ANKRD28: variants seen among roughly 807,000 people sequenced by gnomAD.
ANKRD28 encodes the protein serine/threonine-protein phosphatase 6 regulatory ankyrin repeat subunit A.
A neutral mutation model predicts 126.5 loss-of-function variants in ANKRD28; 44 were observed. The observed-to-expected ratio is 0.35, with a 90% CI of 0.27 to 0.45. The LOEUF is 0.45. Ranked by LOEUF, ANKRD28 falls within the 20% of genes least tolerant of loss-of-function variation. The pLI is 1.00. For synonymous variants in ANKRD28, 442 were observed against 468.5 expected (o/e 0.94, Z 0.73); for missense variants, 1,110 against 1,316.6 (o/e 0.84, Z 2.43).
intron 3 of ANKRD28, among the ~76,000 whole-genome samples, chr3:15,757,597 G>A (rs983841769): frequency 9.2e-5 from 14 of 152,156 alleles, no homozygotes; most frequent in African/African-American, 2.9e-4. Context: ...TAATGCCCTT[G>A]TAAAAGTGGC....
chr3:15,835,167 AAG>A (rs1408886679), intron 1 of ANKRD28, among the ~76,000 whole-genome samples: 1 of 152,130 alleles, frequency 6.6e-6, no homozygotes, highest in African/African-American at 2.4e-5. Context: ...AAAAAAGAAA[AAG>A]AAAGAGAGAA....
Position 15,676,974 on chromosome 3 carries a change from G to A in ANKRD28, c.2873C>T (p.Thr958Ile), listed in dbSNP as rs767999328. The A allele has an allele frequency of 3.7e-6, 6 of 1,610,852 alleles. No homozygotes were observed. Among genetic ancestry groups the A allele is most frequent in the African/African-American group, 1.3e-5 (1 of 74,614 alleles). ...LINATNAALQTPLHVAARNGL... is the reference protein window; with the variant it reads ...LINATNAALQIPLHVAARNGL... ...TATACTAGATACTGACAGTACTCACGTTTGCAAGGCTGCGTTGGTTGCATT... is the reference window on the plus strand; with the variant it reads ...TATACTAGATACTGACAGTACTCACATTTGCAAGGCTGCGTTGGTTGCATT... The change falls in exon 26 of 28, where the codon ACA (threonine) becomes ATA (isoleucine). Residue 958 changes from threonine (T) to isoleucine (I), a missense_variant and splice_region_variant. Thr to Ile is a moderately conservative substitution (Grantham distance 89). Transcript: ENST00000683139.
chr3:15,716,497 T>C (rs987216747), intron 8 of ANKRD28, among the ~76,000 whole-genome samples: 1 of 152,044 alleles, frequency 6.6e-6, no homozygotes, highest in Non-Finnish European at 1.5e-5. Context: ...TTGCCCAGGC[T>C]GGTTTTGAAC....
chr3:15,859,711 G>A, exon 1 of ANKRD28: 1 of 155,974 alleles, frequency 6.4e-6, no homozygotes, highest in Non-Finnish European at 1.4e-5. Context: ...CCTACCCGCC[G>A]CTGCCGCCGC....
At chr3:15,747,641 T>A (rs1262651014) in intron 4 of ANKRD28, among the ~76,000 whole-genome samples, 1 of 152,200 alleles carries the variant, frequency 6.6e-6, no homozygotes, top group Non-Finnish European at 1.5e-5. Flanking sequence ...GAACATTTCA[T>A]GTGCTGATGA....
intron 3 of ANKRD28, among the ~76,000 whole-genome samples, chr3:15,754,954 T>C (rs1355416512): frequency 6.6e-6 from 1 of 151,908 alleles, no homozygotes; most frequent in African/African-American, 2.4e-5. Context: ...CAGGCCCTAC[T>C]AAAATTACAA....
rs564654804 is a variant in ANKRD28 at position 15,859,580 on chromosome 3, CCCGCCGCCG to C, written c.-186_-178del. On this transcript the variant is annotated 5_prime_UTR_variant, in exon 1 of 28. Coordinates refer to the ANKRD28 transcript ENST00000399451. ...GGGGGCGGCGCCGCCTCCCCGGCCGCCCGCCGCCGCCGCCGCCGCCGCCGCCGCCGAGAG... is the reference window on the plus strand; with the variant it reads ...GGGGGCGGCGCCGCCTCCCCGGCCGCCCGCCGCCGCCGCCGCCGCCGAGAG... The C allele has an allele frequency of 1.1e-3, 246 of 228,816 alleles. 2 individuals are homozygous for C. Among genetic ancestry groups the C allele is most frequent in the African/African-American group, 4.8e-3 (194 of 40,290 alleles). 14.2% of individuals were successfully genotyped at this position (228,816 alleles called of 1,614,324 possible). A position where few individuals can be genotyped will look rare whatever the true frequency, so the allele number is the denominator to read the frequency against.
intron 2 of ANKRD28, among the ~76,000 whole-genome samples, chr3:15,774,437 G>A (rs1221721232): frequency 6.6e-6 from 1 of 151,882 alleles, no homozygotes; most frequent in Admixed American, 6.6e-5. Context: ...AACAAAATAT[G>A]GGCATTTAAA....
At chr3:15,725,361 T>C (rs2074076129) in intron 6 of ANKRD28, among the ~76,000 whole-genome samples, 2 of 152,354 alleles carry the variant, frequency 1.3e-5, no homozygotes, top group South Asian at 4.1e-4. Context: ...TATTCAGTGA[T>C]AACCCTGCAA....
chr3:15,720,700 C>CTT (rs2073631748), intron 8 of ANKRD28, among the ~76,000 whole-genome samples: 1 of 147,076 alleles, frequency 6.8e-6, no homozygotes, highest in African/African-American at 2.7e-5. Context: ...TCTGGAACCC[C>CTT]ATATAAATGG....
At chr3:15,715,117 C>G (rs1036869931) in intron 8 of ANKRD28, among the ~76,000 whole-genome samples, 1 of 152,144 alleles carries the variant, frequency 6.6e-6, no homozygotes, top group Non-Finnish European at 1.5e-5. Context: ...TCTCAAATCA[C>G]TTAAAATAAT....
intron 22 of ANKRD28, 30 bp downstream of exon 22, chr3:15,679,446 C>A: frequency 6.2e-6 from 10 of 1,613,708 alleles, no homozygotes; most frequent in African/African-American, 1.3e-5. Flanking sequence ...AACACTCAAA[C>A]CAAATCTGAT....
intron 16 of ANKRD28, 63 bp from the exon 17 acceptor site, chr3:15,694,876 C>T: frequency 6.8e-7 from 1 of 1,476,474 alleles, no homozygotes; most frequent in Non-Finnish European, 9.5e-7. Context: ...TCTCTCCCAC[C>T]CACCCAGTTC....
At chr3:15,777,900 A>ACC (rs1323566552) in intron 2 of ANKRD28, among the ~76,000 whole-genome samples, 1 of 139,456 alleles carries the variant, frequency 7.2e-6, no homozygotes, top group South Asian at 2.2e-4. Context: ...ACACACACAC[A>ACC]CACCCTCTCC....
At position 15,709,671 on chromosome 3, in the gene ANKRD28, C is replaced by T. The variant is rs1185638022; in HGVS notation, c.1403G>A (p.Gly468Glu). 3.8e-6 allele frequency: 6 copies of T among 1,577,342 alleles called. No individual in the cohort carries two copies. The highest frequency in any genetic ancestry group is 1.8e-5 in the Admixed American group (1 of 55,350). ...GADFNKKDKF[G>E]RSPLHYAAAN... The stretch of plus-strand genomic sequence containing the variant: ...AAGAAACTGTATCATACCCTACCTC[C>T]CAAATTTGTCCTTTTTATTAAAGTC... Residue 468 changes from glycine (G) to glutamate (E), a missense_variant, in exon 13 of 28, where the codon GGG (glycine) becomes GAG (glutamate). Transcript: ENST00000683139.
chr3:15,747,821 C>T (rs970153537), intron 4 of ANKRD28, among the ~76,000 whole-genome samples: 57 of 151,890 alleles, frequency 3.8e-4, no homozygotes, highest in African/African-American at 1.3e-3. Flanking sequence ...TATTGTGTTG[C>T]TCTCTCATTT....
At chr3:15,692,421 G>C (rs983695955) in intron 17 of ANKRD28, among the ~76,000 whole-genome samples, 1 of 152,184 alleles carries the variant, frequency 6.6e-6, no homozygotes, top group Non-Finnish European at 1.5e-5. Flanking sequence ...CTACACTCCA[G>C]CCTGGATGAC....
intron 7 of ANKRD28, among the ~76,000 whole-genome samples, chr3:15,723,809 T>C (rs1222813227): frequency 6.6e-6 from 1 of 152,132 alleles, no homozygotes; most frequent in Non-Finnish European, 1.5e-5. Flanking sequence ...GGGAGTAAAG[T>C]ACTTATGTTT....
intron 27 of ANKRD28, among the ~76,000 whole-genome samples, chr3:15,671,339 G>A (rs756068161): frequency 4.6e-5 from 7 of 152,050 alleles, no homozygotes; most frequent in Non-Finnish European, 1.0e-4. Flanking sequence ...GGAGAGAAGT[G>A]ATAATAGTGT....
Sources: allele counts gnomAD v4.1 joint callset (sites outside exome capture counted in the v4.1 genomes callset), GRCh38; gene constraint gnomAD v4.1.1; transcripts MANE v1.5; gene names NCBI Gene and HGNC (gene_info 2026-07-23, HGNC 2026-07-21).